Variants in STARD13 observed in about 807,000 individuals in gnomAD.
STARD13 encodes the protein stAR-related lipid transfer protein 13.
Under a neutral mutation model 106.4 loss-of-function variants are expected in STARD13, and 62 were observed. The ratio of observed to expected loss-of-function variants is 0.58; its 90% CI spans 0.48 to 0.72. STARD13 has a LOEUF of 0.72. Ranked by LOEUF, STARD13 falls within the 30% of genes least tolerant of loss-of-function variation. The pLI, the probability that STARD13 is intolerant of heterozygous loss-of-function variation, is 0.00. For missense variants in STARD13, 1,387 were observed against 1,424.0 expected (o/e 0.97, Z 0.42); for synonymous variants, 565 against 553.0 (o/e 1.02, Z -0.31).
the STARD13 span, among the ~76,000 whole-genome samples, chr13:33,503,707 A>G: frequency 6.6e-6 from 1 of 152,168 alleles, no homozygotes; most frequent in Non-Finnish European, 1.5e-5. Flanking sequence ...TGAGTTTCTT[A>G]ATCCTGAGTT....
the STARD13 span, among the ~76,000 whole-genome samples, chr13:33,483,438 G>A: frequency 6.6e-6 from 1 of 151,952 alleles, no homozygotes; most frequent in Non-Finnish European, 1.5e-5. Context: ...ATTGAAATTG[G>A]CCCAATTTCC....
the STARD13 span, among the ~76,000 whole-genome samples, chr13:33,450,020 T>G: frequency 6.6e-6 from 1 of 152,178 alleles, no homozygotes; most frequent in African/African-American, 2.4e-5. Flanking sequence ...AAGATCATAC[T>G]ATCTGCGAAT....
chr13:33,120,971 C>T (rs1052992369), intron 7 of STARD13, among the ~76,000 whole-genome samples: 2 of 152,176 alleles, frequency 1.3e-5, no homozygotes, highest in African/African-American at 2.4e-5. Context: ...GAACTCCTGA[C>T]CTCAAGTGAT....
upstream of STARD13, chr13:33,285,853 G>A (rs1892035082): frequency 1.7e-6 from 2 of 1,171,548 alleles, no homozygotes; most frequent in Admixed American, 3.4e-5. Context: ...AGGAAAATGG[G>A]AACGTTTGCA....
chr13:33,435,705 G>C, the STARD13 span, among the ~76,000 whole-genome samples: 12 of 152,168 alleles, frequency 7.9e-5, no homozygotes, highest in Admixed American at 7.2e-4. Flanking sequence ...ATTTAGGCAA[G>C]CTTCTTGAAG....
the STARD13 span, among the ~76,000 whole-genome samples, chr13:33,623,159 A>G: frequency 6.6e-6 from 1 of 152,084 alleles, no homozygotes; most frequent in South Asian, 2.1e-4. Context: ...CAGAAATGCA[A>G]TCAGTGAGAT....
At chr13:33,316,293 A>C (rs1019692892) in intron 1 of STARD13, among the ~76,000 whole-genome samples, 1 of 152,200 alleles carries the variant, frequency 6.6e-6, no homozygotes, top group Non-Finnish European at 1.5e-5. Flanking sequence ...TTCAGCCTTC[A>C]AAACACAGAA....
At chr13:33,611,838 G>T in the STARD13 span, among the ~76,000 whole-genome samples, 1 of 152,318 alleles carries the variant, frequency 6.6e-6, no homozygotes, top group Non-Finnish European at 1.5e-5. Context: ...AGTTGGAAAT[G>T]GACAGGGCAG....
In STARD13 at chr13:33,240,260, G is replaced by A. The variant is rs529736229; in HGVS notation, c.169+45210C>T. ...TGTTCCATATGTCTGTCTTCATGCCGGTAACATACTGTTTTGATTACTGAA... is the reference window on the plus strand; with the variant it reads ...TGTTCCATATGTCTGTCTTCATGCCAGTAACATACTGTTTTGATTACTGAA... On this transcript the variant is annotated intron_variant, in intron 1 of 13. Coordinates refer to ENST00000336934, the MANE Select transcript of STARD13 (RefSeq NM_178006.4). Among the ~76,000 whole-genome samples the A allele has an allele frequency of 7.2e-5, 11 of 152,158 alleles. No individual in the cohort carries two copies. In the South Asian group the frequency reaches 1.9e-3, roughly 26 times the overall value.
intron 1 of STARD13, among the ~76,000 whole-genome samples, chr13:33,273,088 G>T (rs145488215): frequency 2.6e-5 from 4 of 152,166 alleles, no homozygotes; most frequent in Non-Finnish European, 4.4e-5. Flanking sequence ...AACAAAACTC[G>T]ATTCCAAAGG....
At chr13:33,608,567 A>C in the STARD13 span, among the ~76,000 whole-genome samples, 1 of 152,224 alleles carries the variant, frequency 6.6e-6, no homozygotes, top group Non-Finnish European at 1.5e-5. Context: ...ATCAGCACAC[A>C]AAATAGGGAA....
intron 1 of STARD13, among the ~76,000 whole-genome samples, chr13:33,320,183 C>A (rs1893503273): frequency 6.6e-6 from 1 of 152,186 alleles, no homozygotes. Flanking sequence ...GTCACTTTTG[C>A]AAATGTTATT....
the STARD13 span, among the ~76,000 whole-genome samples, chr13:33,606,321 A>G: frequency 6.6e-6 from 1 of 152,168 alleles, no homozygotes; most frequent in Non-Finnish European, 1.5e-5. Context: ...AAAAGAAAAA[A>G]TGCAATAATA....
At chr13:33,163,668 T>A (rs1361877865) in intron 3 of STARD13, among the ~76,000 whole-genome samples, 1 of 98,330 alleles carries the variant, frequency 1.0e-5, no homozygotes, top group African/African-American at 6.9e-5. Flanking sequence ...CATATATATA[T>A]AACATATATA....
At chr13:33,617,158 C>A in the STARD13 span, among the ~76,000 whole-genome samples, 49 of 152,340 alleles carry the variant, frequency 3.2e-4, no homozygotes, top group Non-Finnish European at 5.6e-4. Flanking sequence ...ATAATTTAAA[C>A]TGCCTGGGGG....
At chr13:33,173,581 G>T (rs1884208270) in intron 1 of STARD13, among the ~76,000 whole-genome samples, 1 of 152,054 alleles carries the variant, frequency 6.6e-6, no homozygotes, top group African/African-American at 2.4e-5. Context: ...AAGTTATTTT[G>T]ATATGTAAAA....
chr13:33,191,710 A>G (rs1886268583), intron 1 of STARD13, among the ~76,000 whole-genome samples: 1 of 152,222 alleles, frequency 6.6e-6, no homozygotes, highest in African/African-American at 2.4e-5. Context: ...TGACACAGCT[A>G]GCTAAACATC....
At chr13:33,213,260 A>G (rs1023312325) in intron 1 of STARD13, among the ~76,000 whole-genome samples, 5 of 152,190 alleles carry the variant, frequency 3.3e-5, no homozygotes, top group African/African-American at 1.2e-4. Flanking sequence ...CAATATTTGT[A>G]AAATTCTAAG....
At chr13:33,645,256 A>C in the STARD13 span, among the ~76,000 whole-genome samples, 2 of 152,164 alleles carry the variant, frequency 1.3e-5, no homozygotes, top group South Asian at 2.1e-4. Context: ...CCATGTACAA[A>C]GGCCTTGCTT....
Sources: gnomAD v4.1 joint callset for allele counts (sites outside exome capture counted in the v4.1 genomes callset) on GRCh38, gnomAD v4.1.1 for gene constraint, MANE v1.5 for transcripts, NCBI Gene and HGNC (gene_info 2026-07-23, HGNC 2026-07-21) for gene names.